The following POM121 variants were observed in gnomAD, a reference collection of about 807,000 sequenced individuals.
POM121 encodes POM121 transmembrane nucleoporin.
Under a neutral mutation model 81.3 loss-of-function variants are expected in POM121, and 32 were observed. That is an observed-to-expected ratio of 0.39 (90% CI 0.30 to 0.53). The LOEUF (loss-of-function observed/expected upper bound fraction) is 0.53, where lower values mean the gene tolerates loss of function less well. Ranked by LOEUF, POM121 falls within the 20% of genes least tolerant of loss-of-function variation. POM121 has a pLI of 0.66. For synonymous variants in POM121, 514 were observed against 694.2 expected, an observed-to-expected ratio of 0.74 and a Z score of 4.08; for missense variants, 1,138 against 1,614.6, an observed-to-expected ratio of 0.70 and a Z score of 5.06.
At chr7:72,911,600 A>C (rs1306376862) in intron 3 of POM121, among the ~76,000 whole-genome samples, 31 of 151,568 alleles carry the variant, frequency 2.0e-4, no homozygotes, top group Non-Finnish European at 3.5e-4. Context: ...GGCTCGTGCG[A>C]CCTCTCCAGA....
chr7:72,898,979 CTTTTTTTTTT>C (rs1176371162), intron 3 of POM121, among the ~76,000 whole-genome samples: 2 of 34,098 alleles, frequency 5.9e-5, no homozygotes, highest in Non-Finnish European at 9.8e-5. Flanking sequence ...CTTTTCTTTT[CTTTTTTTTTT>C]TTTTTTTTTT....
downstream of POM121, chr7:72,948,707 C>A (rs1554503958): frequency 1.9e-6 from 3 of 1,578,480 alleles, no homozygotes; most frequent in Admixed American, 5.0e-5. Flanking sequence ...AACGAAGAAG[C>A]CACCGCTAAG....
chr7:72,899,395 C>T (rs554449323), intron 3 of POM121, among the ~76,000 whole-genome samples: 51 of 152,116 alleles, frequency 3.4e-4, no homozygotes, highest in African/African-American at 1.1e-3. Flanking sequence ...ACTGTATCCC[C>T]AATACCTAGC....
chr7:72,904,015 G>A (rs1269355622), intron 3 of POM121, among the ~76,000 whole-genome samples: 2 of 152,178 alleles, frequency 1.3e-5, no homozygotes, highest in African/African-American at 4.8e-5. Flanking sequence ...TGTTGGCCAG[G>A]CTGGTCTCGA....
intron 3 of POM121, among the ~76,000 whole-genome samples, chr7:72,903,926 T>C (rs546566203): frequency 2.0e-3 from 298 of 152,334 alleles, no homozygotes; most frequent in African/African-American, 6.8e-3. Context: ...GATTACAGGC[T>C]TGTGCCGCCA....
At chr7:72,923,451 C>T (rs564411484), upstream of POM121, among the ~76,000 whole-genome samples, 3 of 152,280 alleles carry the variant, frequency 2.0e-5, no homozygotes, top group South Asian at 6.2e-4. Flanking sequence ...GAGTCTTGCT[C>T]TGTCGACAGC....
In POM121 at chr7:72,946,599, G is replaced by A. The variant is rs1270747900; in HGVS notation, c.*365G>A. 2 of 1,033,334 alleles carry A rather than the reference G, an allele frequency of 1.9e-6. No homozygotes were observed. The highest frequency in any genetic ancestry group is 1.7e-5 in the African/African-American group (1 of 58,266). 64.0% of individuals were successfully genotyped at this position (1,033,334 alleles called of 1,614,324 possible). On this transcript the variant is annotated 3_prime_UTR_variant, in exon 13 of 13. Transcript: ENST00000434423. ...CCCCGAGACCGTCGTCGCTGGAGGG[G>A]GCAGGGTCCAGCCCGCCTGGATCGG...
In POM121 at chr7:72,925,212, C is replaced by A. The variant is rs1554496870; in HGVS notation, c.91C>A (p.Pro31Thr). 3 of 1,524,142 alleles carry A rather than the reference C, an allele frequency of 2.0e-6. No homozygotes were observed. The highest frequency in any genetic ancestry group is 2.6e-6 in the Non-Finnish European group (3 of 1,142,530). The allele number at this position is 1,524,142 out of a possible 1,614,324, so 94.4% of individuals were successfully genotyped here. ...RDGRGRGCGG[P>T]ARAVLLGLSL... ...CGGCCGGGGCCGGGGCTGCGGCGGG[C>A]CGGCCAGGGCGGTGCTCCTGGGCCT... is the stretch of plus-strand genomic sequence containing the variant. The change falls in exon 1 of 13, where the codon CCG becomes ACG. Residue 31 changes from proline to threonine, a missense_variant. Around this residue, in one of 7 missense-constraint regions of POM121, gnomAD observed 646 missense variants for 633.5 expected, o/e 1.02. Transcript: ENST00000434423.
intron 5 of POM121, among the ~76,000 whole-genome samples, chr7:72,936,881 C>G (rs1159918887): frequency 4.6e-5 from 7 of 152,132 alleles, no homozygotes; most frequent in African/African-American, 1.4e-4. Context: ...CTCCTGGGCT[C>G]AAGCAGTTCT....
chr7:72,915,917 A>G (rs1794254532), intron 4 of POM121, among the ~76,000 whole-genome samples: 1 of 151,972 alleles, frequency 6.6e-6, no homozygotes, highest in African/African-American at 2.4e-5. Flanking sequence ...TGATCCACCC[A>G]CCTTGGCCTC....
At chr7:72,934,499 T>C (rs1796326318) in intron 5 of POM121, among the ~76,000 whole-genome samples, 1 of 152,184 alleles carries the variant, frequency 6.6e-6, no homozygotes, top group South Asian at 2.1e-4. Context: ...GCCATTCTAC[T>C]TCCTTGTGGT....
At chr7:72,936,460 G>T (rs1283515187) in intron 5 of POM121, among the ~76,000 whole-genome samples, 1 of 151,848 alleles carries the variant, frequency 6.6e-6, no homozygotes, top group Non-Finnish European at 1.5e-5. Context: ...TGTATTTTTA[G>T]TAGAGACGGG....
At chr7:72,880,346 C>A (rs1554489127) in intron 1 of POM121, among the ~76,000 whole-genome samples, 1 of 152,188 alleles carries the variant, frequency 6.6e-6, no homozygotes, top group East Asian at 1.9e-4. Flanking sequence ...AGGTGGGTGA[C>A]TTGACCAGGT....
In POM121 at chr7:72,943,294, G is replaced by C; in HGVS notation, c.3301G>C (p.Gly1101Arg). The C allele has an allele frequency of 6.2e-7, 1 of 1,608,940 alleles. No individual in the cohort carries two copies. The highest frequency in any genetic ancestry group is 1.1e-5 in the South Asian group (1 of 90,464). The change falls in exon 11 of 13, where the codon GGT becomes CGT. Residue 1101 changes from glycine (G) to arginine (R), a missense_variant. Coordinates refer to ENST00000434423, the MANE Select transcript of POM121 (RefSeq NM_001387691.1). ...AACACCATCACCCTTCACGTTTGGG[G>C]GTTCGGCAGCCCCCGCTGGCAGTGG... is the stretch of plus-strand genomic sequence containing the variant. ...STTPSPFTFG[G>R]SAAPAGSGSF...
chr7:72,902,255 CT>C lies in POM121; in HGVS notation c.-216+11164del, dbSNP rs1210238081. Among the ~76,000 whole-genome samples the C allele has an allele frequency of 8.6e-3, 1,085 of 126,602 alleles. 4 individuals carry two copies. The highest frequency in any genetic ancestry group is 0.027 in the African/African-American group (914 of 33,846). The allele number at this position is 126,602 out of a possible 152,430, so 83.1% of individuals were successfully genotyped here. On this transcript the variant is annotated intron_variant, in intron 3 of 15. Coordinates refer to the POM121 transcript ENST00000395270. ...CATTTTTATACTTTTCTTTTTCTTTCTTTTTTTTTTTTTTTTTTTGAGATGG... is the reference window on the plus strand; with the variant it reads ...CATTTTTATACTTTTCTTTTTCTTTCTTTTTTTTTTTTTTTTTTGAGATGG...
intron 5 of POM121, among the ~76,000 whole-genome samples, chr7:72,932,740 A>G (rs1168858314): frequency 6.6e-6 from 1 of 152,080 alleles, no homozygotes; most frequent in East Asian, 1.9e-4. Flanking sequence ...CTGGGCTTTT[A>G]CCAATTTCAC....
chr7:72,899,217 G>C (rs1426828027), intron 3 of POM121, among the ~76,000 whole-genome samples: 1 of 151,900 alleles, frequency 6.6e-6, no homozygotes, highest in Non-Finnish European at 1.5e-5. Flanking sequence ...ACTCCTGACC[G>C]CAGGTGTTCT....
chr7:72,944,730 A>C (rs1797493261), intron 11 of POM121, among the ~76,000 whole-genome samples: 1 of 151,708 alleles, frequency 6.6e-6, no homozygotes. Context: ...TGGTGCCTAC[A>C]GGAGATTCGG....
chr7:72,939,933 C>T lies in POM121; in HGVS notation c.1528C>T (p.Leu510=), dbSNP rs782154053. The T allele has an allele frequency of 6.2e-7, 1 of 1,607,808 alleles. No individual in the cohort carries two copies. The highest frequency in any genetic ancestry group is 8.5e-7 in the Non-Finnish European group (1 of 1,176,912). The change falls in exon 8 of 13, where the codon CTG becomes TTG. Residue 510 remains leucine (L), a synonymous_variant. Transcript: ENST00000434423. ...TGGGCAGCGTAAGCGGAAAGTTCAG[C>T]TGCTGCCTTCTCGGCGAGGGGAACA... ...SSGQRKRKVQ[L]LPSRRGEQLT...
Sources: gnomAD v4.1 joint callset for allele counts (sites outside exome capture counted in the v4.1 genomes callset) on GRCh38, gnomAD v4.1.1 for gene constraint, gnomAD v4.1.1 regional missense constraint, MANE v1.5 for transcripts, NCBI Gene and HGNC (gene_info 2026-07-23, HGNC 2026-07-21) for gene names.